UBR2: variants seen among roughly 807,000 people sequenced by gnomAD.
The protein encoded by UBR2 is ubiquitin protein ligase E3 component n-recognin 2, also known as E3 ubiquitin-protein ligase UBR2.
A neutral mutation model predicts 247.9 loss-of-function variants in UBR2; 92 were observed. The ratio of observed to expected loss-of-function variants is 0.37; its 90% CI spans 0.31 to 0.44. The LOEUF (loss-of-function observed/expected upper bound fraction) is 0.44. Ranked by LOEUF, UBR2 falls within the 20% of genes least tolerant of loss-of-function variation. UBR2 has a pLI of 1.00. For synonymous variants in UBR2, 672 were observed against 693.5 expected (o/e 0.97, Z 0.49); for missense variants, 1,613 against 2,112.6 (o/e 0.76, Z 4.64).
chr6:42,571,242 CAAAAAAA>C (rs774925925), intron 1 of UBR2, among the ~76,000 whole-genome samples: 4 of 39,136 alleles, frequency 1.0e-4, no homozygotes, highest in Admixed American at 3.4e-4. Context: ...GACTCCGTCT[CAAAAAAA>C]AAAAAAAAAA....
intron 29 of UBR2, 88 bp downstream of exon 29, chr6:42,658,912 T>TAGGATTAAAAGTA: frequency 7.5e-7 from 1 of 1,332,850 alleles, no homozygotes; most frequent in Non-Finnish European, 9.9e-7. Context: ...AAGTATACTT[T>TAGGATTAAAAGTA]TAATCCTAAA....
chr6:42,612,604 A>T (rs1166125871), intron 8 of UBR2, among the ~76,000 whole-genome samples: 2 of 152,154 alleles, frequency 1.3e-5, no homozygotes, highest in Non-Finnish European at 2.9e-5. Context: ...ATTTTTTTTT[A>T]AACTTTTTTT....
chr6:42,584,556 A>G (rs991397264), intron 2 of UBR2, among the ~76,000 whole-genome samples: 8 of 152,322 alleles, frequency 5.3e-5, no homozygotes, highest in Non-Finnish European at 5.9e-5. Flanking sequence ...TTTAAGAAAG[A>G]CTACCAAGAT....
At chr6:42,602,524 C>T (rs1234588547) in intron 4 of UBR2, among the ~76,000 whole-genome samples, 1 of 151,802 alleles carries the variant, frequency 6.6e-6, no homozygotes, top group Non-Finnish European at 1.5e-5. Context: ...ATTCCACCTT[C>T]TCCATTTGTT....
chr6:42,675,127 A>T (rs1156728096), intron 38 of UBR2, among the ~76,000 whole-genome samples: 1 of 152,160 alleles, frequency 6.6e-6, no homozygotes, highest in South Asian at 2.1e-4. Flanking sequence ...GAGTTAATCC[A>T]TGTAACACAC....
At chr6:42,579,273 C>T (rs1247932845) in intron 2 of UBR2, among the ~76,000 whole-genome samples, 3 of 151,946 alleles carry the variant, frequency 2.0e-5, no homozygotes, top group African/African-American at 4.8e-5. Context: ...GGAGGTGCCA[C>T]GCTTTTAAAC....
chr6:42,679,665 C>G (rs1715694444), intron 41 of UBR2, 59 bp from the exon 42 acceptor site: 2 of 1,266,790 alleles, frequency 1.6e-6, no homozygotes, highest in Admixed American at 1.8e-5. Context: ...TTGCTTAACT[C>G]TCATGCAGAA....
chr6:42,676,258 A>G (rs1798716224), intron 39 of UBR2, 67 bp downstream of exon 39: 3 of 1,467,158 alleles, frequency 2.0e-6, no homozygotes, highest in Non-Finnish European at 1.8e-6. Context: ...TAAAAAAAGT[A>G]TTAGAGGAAA....
chr6:42,614,264 A>C (rs1267071007), intron 8 of UBR2, among the ~76,000 whole-genome samples: 3 of 144,980 alleles, frequency 2.1e-5, no homozygotes, highest in East Asian at 4.0e-4. Context: ...ATATATATAC[A>C]CACACACGTA....
intron 1 of UBR2, among the ~76,000 whole-genome samples, chr6:42,573,037 A>G (rs908974756): frequency 6.6e-6 from 1 of 152,164 alleles, no homozygotes; most frequent in Admixed American, 6.5e-5. Flanking sequence ...AAAATAACAG[A>G]TTTTGGTGGA....
chr6:42,685,607 G>A (rs1799339634), intron 44 of UBR2, among the ~76,000 whole-genome samples: 1 of 151,840 alleles, frequency 6.6e-6, no homozygotes, highest in Non-Finnish European at 1.5e-5. Flanking sequence ...TGGGATTACA[G>A]GCATGCACCA....
intron 11 of UBR2, among the ~76,000 whole-genome samples, chr6:42,617,879 A>C (rs1794663301): frequency 6.6e-6 from 1 of 152,204 alleles, no homozygotes; most frequent in South Asian, 2.1e-4. Context: ...CAATTTGAGA[A>C]GTCCTCCTCC....
chr6:42,616,116 T>C lies in UBR2; in HGVS notation c.1182+26T>C, dbSNP rs770969885. The C allele has an allele frequency of 2.3e-5, 35 of 1,535,926 alleles. No homozygotes were observed. The South Asian group carries it at 3.3e-4, about 14-fold the overall frequency. ...GTAAGTGGCTTTTCAATTTTGAAAATAGGTTATATATAGAGTAACTATGCC... is the reference window on the plus strand; with the variant it reads ...GTAAGTGGCTTTTCAATTTTGAAAACAGGTTATATATAGAGTAACTATGCC... On this transcript the variant is annotated intron_variant, in intron 10 of 46. Coordinates refer to ENST00000372901, the MANE Select transcript of UBR2 (RefSeq NM_001363705.2).
chr6:42,613,538 T>A (rs1420391328), intron 8 of UBR2, among the ~76,000 whole-genome samples: 1 of 152,104 alleles, frequency 6.6e-6, no homozygotes, highest in Non-Finnish European at 1.5e-5. Flanking sequence ...GCCTGGGTAA[T>A]ATAGGGAGAC....
intron 43 of UBR2, among the ~76,000 whole-genome samples, chr6:42,683,552 C>G (rs1362160062): frequency 1.3e-5 from 2 of 152,128 alleles, no homozygotes; most frequent in Non-Finnish European, 2.9e-5. Flanking sequence ...TTTTTACATT[C>G]TATTCTGATT....
chr6:42,608,307 T>A (rs1388128503), intron 7 of UBR2, among the ~76,000 whole-genome samples: 2 of 152,190 alleles, frequency 1.3e-5, no homozygotes, highest in African/African-American at 4.8e-5. Context: ...AAACTATATA[T>A]TGTCAAATTT....
intron 11 of UBR2, among the ~76,000 whole-genome samples, chr6:42,628,220 G>C (rs1051477782): frequency 6.6e-6 from 1 of 151,654 alleles, no homozygotes; most frequent in Non-Finnish European, 1.5e-5. Flanking sequence ...TGTTGGAAAT[G>C]TTGGTCATCC....
chr6:42,617,370 A>C, intron 10 of UBR2, 39 bp from the exon 11 acceptor site: 1 of 1,613,854 alleles, frequency 6.2e-7, no homozygotes, highest in Non-Finnish European at 8.5e-7. Context: ...TTTGTAACTG[A>C]TAGCTGGCAC....
intron 11 of UBR2, chr6:42,619,449 A>ATTTTTTTTTTTTTTTT (rs1422611425): frequency 3.4e-5 from 1 of 29,082 alleles, no homozygotes; most frequent in Non-Finnish European, 6.7e-5. Flanking sequence ...ATATATATAT[A>ATTTTTTTTTTTTTTTT]TATATTTTTT....
Sources: gnomAD v4.1 joint callset for allele counts (sites outside exome capture counted in the v4.1 genomes callset) on GRCh38, gnomAD v4.1.1 for gene constraint, MANE v1.5 for transcripts, NCBI Gene and HGNC (gene_info 2026-07-23, HGNC 2026-07-21) for gene names.